Variants in STAP1 observed in about 807,000 individuals in gnomAD.
STAP1 encodes the protein signal-transducing adaptor protein 1.
Under a neutral mutation model 37.8 loss-of-function variants are expected in STAP1, and 30 were observed. The observed-to-expected ratio is 0.79, with a 90% CI of 0.59 to 1.08. The LOEUF (loss-of-function observed/expected upper bound fraction) is 1.08. STAP1 is among the 50% of genes least tolerant of loss of function. STAP1 has a pLI of 0.00. For missense variants in STAP1, 357 were observed against 349.4 expected (o/e 1.02, Z -0.17); for synonymous variants, 130 against 116.0 (o/e 1.12, Z -0.78).
chr4:67,606,461 C>T lies in STAP1; in HGVS notation c.*104C>T. On this transcript the variant is annotated 3_prime_UTR_variant, in exon 9 of 9. Transcript: ENST00000265404. The stretch of plus-strand genomic sequence containing the variant: ...CCTATATTCTCCTGATACTGATTAC[C>T]AAGTCATTCACCTGAACACCAGAAT... 1 of 913,738 alleles carries T rather than the reference C, an allele frequency of 1.1e-6. No individual in the cohort carries two copies. The highest frequency in any genetic ancestry group is 1.6e-6 in the Non-Finnish European group (1 of 611,908). The allele number at this position is 913,738 out of a possible 1,614,324, so 56.6% of individuals were successfully genotyped here.
Position 67,558,750 on chromosome 4 carries a change from A to T in STAP1, c.-60A>T, listed in dbSNP as rs201996284. The stretch of plus-strand genomic sequence containing the variant: ...TTGAACAGTTGCCTTTTCCTCTCAC[A>T]GAAGGAAGATTTCATTTTGTTTGAG... On this transcript the variant is annotated 5_prime_UTR_variant, in exon 1 of 9. Transcript: ENST00000265404. The T allele has an allele frequency of 6.4e-7, 1 of 1,573,840 alleles. No homozygotes were observed. The highest frequency in any genetic ancestry group is 2.3e-5 in the East Asian group (1 of 44,308).
At chr4:67,565,470 C>A (rs867707316) in intron 1 of STAP1, among the ~76,000 whole-genome samples, 9 of 152,258 alleles carry the variant, frequency 5.9e-5, no homozygotes, top group Middle Eastern at 3.4e-3. Context: ...GCTATCACAC[C>A]CACACATACA....
intron 8 of STAP1, among the ~76,000 whole-genome samples, chr4:67,603,587 AG>A: frequency 6.6e-6 from 1 of 152,076 alleles, no homozygotes; most frequent in Non-Finnish European, 1.5e-5. Context: ...TGCTTTAGTC[AG>A]TAGGTGATGA....
Position 67,568,932 on chromosome 4 carries a change from T to G in STAP1, c.121-2152T>G, listed in dbSNP as rs1414901451. On this transcript the variant is annotated intron_variant, in intron 1 of 8. Transcript: ENST00000265404. ...AAGTCTTAAATCAATGAGGAAAGTTTTAGAAAATGAACTACTTAAACACAA... is the reference window on the plus strand; with the variant it reads ...AAGTCTTAAATCAATGAGGAAAGTTGTAGAAAATGAACTACTTAAACACAA... 2.6e-5 allele frequency among the ~76,000 whole-genome samples: 4 copies of G among 152,214 alleles called. No homozygotes were observed. In the East Asian group the frequency reaches 7.7e-4, roughly 29 times the overall value.
At chr4:67,591,870 A>G (rs1054461553) in intron 7 of STAP1, among the ~76,000 whole-genome samples, 3 of 152,224 alleles carry the variant, frequency 2.0e-5, no homozygotes, top group African/African-American at 7.2e-5. Flanking sequence ...ATTCCTGACT[A>G]GACTTTTAAA....
chr4:67,596,050 G>A lies in STAP1; in HGVS notation c.826+2694G>A, dbSNP rs568693531. Among the ~76,000 whole-genome samples the A allele has an allele frequency of 4.6e-5, 7 of 152,190 alleles. No homozygotes were observed. In the South Asian group the frequency reaches 1.5e-3, roughly 32 times the overall value. On this transcript the variant is annotated intron_variant, in intron 8 of 8. Transcript: ENST00000265404. ...TAACATTTGAATTCCATTGTTCATT[G>A]GTAGTGATATGGTTTGGCTGTTTTC...
At chr4:67,578,796 ATAAG>A (rs374591255) in intron 4 of STAP1, among the ~76,000 whole-genome samples, 5 of 151,808 alleles carry the variant, frequency 3.3e-5, no homozygotes, top group African/African-American at 9.7e-5. Context: ...ACACACATAA[ATAAG>A]TAACAGAATA....
At chr4:67,595,365 G>A (rs10213359) in intron 8 of STAP1, among the ~76,000 whole-genome samples, 18,861 of 105,124 alleles carry the variant, frequency 0.18, 2,433 homozygotes, top group African/African-American at 0.41. Flanking sequence ...GGGAGACTTC[G>A]TTTCTACAAA....
chr4:67,584,116 A>AAAAAAAAAT (rs1553901804), intron 6 of STAP1, among the ~76,000 whole-genome samples: 2 of 134,098 alleles, frequency 1.5e-5, no homozygotes, highest in African/African-American at 2.7e-5. Context: ...AAAAAAAAAA[A>AAAAAAAAAT]GAACACAAGA....
chr4:67,593,643 C>T (rs1051869983), intron 8 of STAP1, among the ~76,000 whole-genome samples: 10 of 152,130 alleles, frequency 6.6e-5, no homozygotes, highest in African/African-American at 2.4e-4. Context: ...CTAACAAATT[C>T]AGAGGTAAGA....
At position 67,581,667 on chromosome 4, in the gene STAP1, C is replaced by G. The variant is rs146056375; in HGVS notation, c.530+196C>G. ...CAAAATGCAGATTTGAACCAACCAT[C>G]TTACCACACAGGAAATCCCCTTCCA... On this transcript the variant is annotated intron_variant, in intron 5 of 8. Coordinates refer to ENST00000265404, the MANE Select transcript of STAP1 (RefSeq NM_012108.4). Among the ~76,000 whole-genome samples, 616 of 152,336 alleles carry G rather than the reference C, an allele frequency of 4.0e-3. 4 individuals carry two copies. The highest frequency in any genetic ancestry group is 0.014 in the African/African-American group (590 of 41,570).
Position 67,594,789 on chromosome 4 carries a change from G to C in STAP1, c.826+1433G>C, listed in dbSNP as rs532401890. On this transcript the variant is annotated intron_variant, in intron 8 of 8. Transcript: ENST00000265404. ...TTGTCACTTAAAATATAACCCTACT[G>C]AATAATAATGTTGAGCATCTTTTTA... is the stretch of plus-strand genomic sequence containing the variant. Among the ~76,000 whole-genome samples, 3 of 152,102 alleles carry C rather than the reference G, an allele frequency of 2.0e-5. No individual in the cohort carries two copies. In the South Asian group the frequency reaches 6.2e-4, roughly 32 times the overall value.
intron 7 of STAP1, among the ~76,000 whole-genome samples, chr4:67,592,093 T>A (rs941956755): frequency 2.0e-5 from 3 of 150,322 alleles, no homozygotes; most frequent in Non-Finnish European, 4.4e-5. Context: ...CCAACCATAC[T>A]CCTCAACCCC....
intron 1 of STAP1, among the ~76,000 whole-genome samples, chr4:67,568,615 TAATATGAATGTATTAATAATTA>T (rs1727526636): frequency 6.6e-6 from 1 of 152,206 alleles, no homozygotes; most frequent in Non-Finnish European, 1.5e-5. Flanking sequence ...GAATCTAGAG[TAATATGAATGTATTAATAATTA>T]AATATTCACC....
At chr4:67,581,197 C>T (rs1727846676) in intron 4 of STAP1, 108 bp from the exon 5 acceptor site, 6 of 1,072,512 alleles carry the variant, frequency 5.6e-6, no homozygotes, top group African/African-American at 1.6e-5. Context: ...ACTCATTCAC[C>T]TCTGTCAGGT....
chr4:67,596,728 C>T (rs769263113), intron 8 of STAP1, among the ~76,000 whole-genome samples: 24 of 152,154 alleles, frequency 1.6e-4, no homozygotes, highest in African/African-American at 3.6e-4. Flanking sequence ...GAATTTTGAA[C>T]GTGAGAGAGA....
At chr4:67,568,854 G>A (rs1727534793) in intron 1 of STAP1, among the ~76,000 whole-genome samples, 1 of 151,976 alleles carries the variant, frequency 6.6e-6, no homozygotes, top group Non-Finnish European at 1.5e-5. Context: ...TCCTATGCTG[G>A]GCCCTTCACT....
intron 3 of STAP1, 51 bp from the exon 4 acceptor site, chr4:67,577,152 C>G (rs765383353): frequency 6.7e-7 from 1 of 1,492,468 alleles, no homozygotes; most frequent in South Asian, 1.3e-5. Flanking sequence ...TATGCTCAAT[C>G]ACTCATGTAT....
rs186803390 is a variant in STAP1, at chr4:67,583,830, G to A, written c.659+128G>A. 1.0e-5 allele frequency: 11 copies of A among 1,104,910 alleles called. 1 individual carries two copies. The East Asian group carries it at 3.2e-4, about 32-fold the overall frequency. The allele number at this position is 1,104,910 out of a possible 1,614,324, so 68.4% of individuals were successfully genotyped here. On this transcript the variant is annotated intron_variant, in intron 6 of 8. Coordinates refer to ENST00000265404, the MANE Select transcript of STAP1 (RefSeq NM_012108.4). ...ATGAACACAAGTGGCCGGGTGCGGT[G>A]GCTCACGCCTGTAATCTCAACACTT...
Sources: allele counts gnomAD v4.1 joint callset (sites outside exome capture counted in the v4.1 genomes callset), GRCh38; gene constraint gnomAD v4.1.1; transcripts MANE v1.5; gene names NCBI Gene and HGNC (gene_info 2026-07-23, HGNC 2026-07-21).